Variants in TTC34 observed in about 807,000 individuals in gnomAD.
TTC34 encodes tetratricopeptide repeat domain 34.
Under a neutral mutation model 40.7 loss-of-function variants are expected in TTC34, and 44 were observed. The observed-to-expected ratio is 1.08, with a 90% confidence interval of 0.85 to 1.39. The LOEUF is 1.39. TTC34 is among the 40% of genes most tolerant of loss of function. The pLI, the probability that TTC34 is intolerant of heterozygous loss-of-function variation, is 0.00. For missense variants in TTC34, 884 were observed against 838.0 expected, an observed-to-expected ratio of 1.05 and a Z score of -0.68; for synonymous variants, 422 against 398.6, an observed-to-expected ratio of 1.06 and a Z score of -0.70.
At chr1:2,771,555 C>CGT (rs1642149409) in intron 6 of TTC34, among the ~76,000 whole-genome samples, 1 of 69,426 alleles carries the variant, frequency 1.4e-5, no homozygotes, top group Non-Finnish European at 2.5e-5. Flanking sequence ...CCTGGAGCAG[C>CGT]ACACACAACC....
intron 6 of TTC34, among the ~76,000 whole-genome samples, chr1:2,655,293 C>G (rs543635494): frequency 1.4e-5 from 1 of 71,744 alleles, no homozygotes; most frequent in Non-Finnish European, 2.7e-5. Flanking sequence ...GCTCTCACAA[C>G]CCCAGGTGAG....
chr1:2,749,732 T>A, intron 6 of TTC34, among the ~76,000 whole-genome samples: 2 of 74,364 alleles, frequency 2.7e-5, no homozygotes, highest in South Asian at 1.3e-3. Flanking sequence ...CAACCCCAGG[T>A]GAGCATCTGA....
At chr1:2,700,289 A>C (rs1641071700) in intron 6 of TTC34, among the ~76,000 whole-genome samples, 1 of 93,078 alleles carries the variant, frequency 1.1e-5, no homozygotes, top group African/African-American at 3.4e-5. Context: ...AGCAGCACCC[A>C]CACCCCCAGG....
In TTC34 at chr1:2,796,081, G is replaced by T. The variant is rs1405454498; in HGVS notation, c.784+3963C>A. Among the ~76,000 whole-genome samples the T allele has an allele frequency of 5.9e-5, 9 of 152,176 alleles. No individual in the cohort carries two copies. Among genetic ancestry groups the T allele is most frequent in the Admixed American group, 6.5e-5 (1 of 15,284 alleles). On this transcript the variant is annotated intron_variant, in intron 2 of 8. Transcript: ENST00000401095. This position sits in a 1 kb window ranked among gnomAD's most constrained non-coding sequence, Gnocchi z 4.5. Reference sequence around the variant, plus strand: ...TTTCGCCTCTTTGCTCTTCTGTCTTGTGCCAAGTGAGGATGCAGCATTCAA... The same window carrying T: ...TTTCGCCTCTTTGCTCTTCTGTCTTTTGCCAAGTGAGGATGCAGCATTCAA...
rs576206245 is a variant in TTC34 at position 2,642,710 on chromosome 1, C to G, written c.2713-815G>C. 2.0e-5 allele frequency among the ~76,000 whole-genome samples: 3 copies of G among 152,382 alleles called. No homozygotes were observed. The South Asian group carries it at 6.2e-4, about 32-fold the overall frequency. ...CCCGCCTTTCTCGCTGGCGCTGCCT[C>G]TCTTCCAGCAGCCCGGCGGTCCTCG... On this transcript the variant is annotated intron_variant, in intron 8 of 8. Coordinates refer to ENST00000401095, the Ensembl canonical transcript of TTC34.
chr1:2,686,240 C>A (rs201465709), intron 6 of TTC34, among the ~76,000 whole-genome samples: 3 of 147,014 alleles, frequency 2.0e-5, no homozygotes, highest in Admixed American at 6.7e-5. Flanking sequence ...AGTGCCCACA[C>A]CCCCAGGTGA....
At chr1:2,695,021 C>G (rs1036022704) in intron 6 of TTC34, among the ~76,000 whole-genome samples, 110 of 144,672 alleles carry the variant, frequency 7.6e-4, no homozygotes, top group African/African-American at 1.9e-3. Context: ...CAGCCTGGAA[C>G]AGCACCCTGC....
intron 2 of TTC34, among the ~76,000 whole-genome samples, chr1:2,792,402 C>G (rs1357398020): frequency 6.6e-6 from 1 of 152,116 alleles, no homozygotes; most frequent in South Asian, 2.1e-4. Context: ...TTCTTTTTCT[C>G]CTTACTGTAG....
At chr1:2,686,486 G>A (rs1159293528) in intron 6 of TTC34, among the ~76,000 whole-genome samples, 3 of 109,390 alleles carry the variant, frequency 2.7e-5, no homozygotes, top group African/African-American at 1.3e-4. Flanking sequence ...CACATGCCCA[G>A]CTGAGCCTGT....
At chr1:2,701,824 C>A (rs1641143339) in intron 6 of TTC34, among the ~76,000 whole-genome samples, 1 of 90,832 alleles carries the variant, frequency 1.1e-5, no homozygotes, top group African/African-American at 3.2e-5. Flanking sequence ...ACCCTGCACC[C>A]CCAGGTGAGC....
Position 2,641,950 on chromosome 1 carries a change from G to C in TTC34, c.2713-55C>G, listed in dbSNP as rs570097119. 4 of 1,429,894 alleles carry C rather than the reference G, an allele frequency of 2.8e-6. No homozygotes were observed. In the African/African-American group the frequency reaches 4.3e-5, roughly 15 times the overall value. The allele number at this position is 1,429,894 out of a possible 1,614,324, so 88.6% of individuals were successfully genotyped here. ...AGAGTGGGGTCAGCCCCAAAAGCCC[G>C]GCCGCCCCTGCCCTGCAGAGGTCCT... On this transcript the variant is annotated intron_variant, in intron 8 of 8. Coordinates refer to ENST00000401095, the Ensembl canonical transcript of TTC34.
At chr1:2,651,964 C>A (rs1385104397) in intron 6 of TTC34, among the ~76,000 whole-genome samples, 3 of 152,134 alleles carry the variant, frequency 2.0e-5, no homozygotes, top group East Asian at 1.9e-4. Flanking sequence ...CACCTTCCAC[C>A]TCTAAGTGAG....
At chr1:2,778,198 C>A (rs1643371629) in intron 6 of TTC34, among the ~76,000 whole-genome samples, 1 of 152,250 alleles carries the variant, frequency 6.6e-6, no homozygotes, top group Non-Finnish European at 1.5e-5. Context: ...ATTGCTTTTC[C>A]TTTCTTCCTA....
At chr1:2,789,518 G>C in exon 3 of TTC34, 1 of 1,503,120 alleles carries the variant, frequency 6.7e-7, no homozygotes, top group South Asian at 1.2e-5. Context: ...CTGCGTGGTG[G>C]GGCCGCCCGT....
chr1:2,659,419 CA>C (rs1399399335), intron 6 of TTC34, among the ~76,000 whole-genome samples: 7 of 24,244 alleles, frequency 2.9e-4, no homozygotes, highest in South Asian at 1.5e-3. Context: ...TCTGGAGCAG[CA>C]CCAACATCCC....
intron 6 of TTC34, among the ~76,000 whole-genome samples, chr1:2,699,477 T>C (rs550528302): frequency 8.6e-6 from 1 of 115,640 alleles, no homozygotes; most frequent in African/African-American, 2.9e-5. Context: ...TCTGACAGCC[T>C]GGAGCAGCAC....
Position 2,787,673 on chromosome 1 carries a change from CA to C in TTC34, c.1661del (p.Leu554ArgfsTer2). 1 of 1,548,124 alleles carries C rather than the reference CA, an allele frequency of 6.5e-7. No individual in the cohort carries two copies. Among genetic ancestry groups the C allele is most frequent in the Non-Finnish European group, 8.7e-7 (1 of 1,145,240 alleles). On this transcript the variant is annotated frameshift_variant, in exon 4 of 9. Coordinates refer to ENST00000401095, the Ensembl canonical transcript of TTC34. LOFTEE classifies it high-confidence loss of function. ...CGTCCTCTGAATCCAGCTCCATCAG[CA>C]GTGTGGCCAGCTGGTGCACGCCGCA...
intron 6 of TTC34, among the ~76,000 whole-genome samples, chr1:2,683,913 C>A (rs1267202809): frequency 1.6e-4 from 24 of 146,554 alleles, no homozygotes; most frequent in African/African-American, 5.1e-4. Flanking sequence ...GGCACCCACA[C>A]CTCCAGGTGA....
At chr1:2,798,259 C>T (rs1181272308) in intron 2 of TTC34, among the ~76,000 whole-genome samples, 15 of 108,674 alleles carry the variant, frequency 1.4e-4, no homozygotes, top group African/African-American at 4.7e-4. Context: ...CTCAGCTCCC[C>T]GGCCCCCCAG....
Sources: gnomAD v4.1 joint callset for allele counts (sites outside exome capture counted in the v4.1 genomes callset) on GRCh38, gnomAD v4.1.1 for gene constraint, Gnocchi (gnomAD v3.1) non-coding constraint, MANE v1.5 for transcripts, NCBI Gene and HGNC (gene_info 2026-07-23, HGNC 2026-07-21) for gene names.